GSE1: variants seen among roughly 807,000 people sequenced by gnomAD.
The protein encoded by GSE1 is Gse1 coiled-coil protein, also known as genetic suppressor element 1.
GSE1 carries 32 observed loss-of-function variants against 112.6 expected under a neutral mutation model. That is an observed-to-expected ratio of 0.28 (90% confidence interval 0.21 to 0.38). The LOEUF (loss-of-function observed/expected upper bound fraction) is 0.38. Among genes scored for constraint, GSE1 ranks in the 10% least tolerant of loss-of-function variants. The pLI is 1.00. For missense variants in GSE1, 2,348 were observed against 1,699.2 expected (o/e 1.38, Z -6.71); for synonymous variants, 1,115 against 735.6 (o/e 1.52, Z -8.35).
Position 85,203,647 on chromosome 16 carries a change from CT to C in GSE1, c.2283+31843del, listed in dbSNP as rs1481074680. ...CAGTGGGATTTCCTTTGTGCAGCTG[CT>C]TTATTGAGACATGACTCACAGAGCA... On this transcript the variant is annotated intron_variant, in intron 1 of 2. Transcript: ENST00000637419. 1.4e-4 allele frequency among the ~76,000 whole-genome samples: 21 copies of C among 152,336 alleles called. No homozygotes were observed. In the South Asian group the frequency reaches 4.3e-3, roughly 32 times the overall value.
intron 1 of GSE1, among the ~76,000 whole-genome samples, chr16:85,331,372 T>TAC (rs1399300927): frequency 1.8e-5 from 2 of 111,806 alleles, no homozygotes; most frequent in African/African-American, 6.0e-5. Flanking sequence ...TGTGTATATA[T>TAC]GTATATATAT....
chr16:85,468,883 G>A (rs753299858), intron 2 of GSE1, among the ~76,000 whole-genome samples: 2 of 152,222 alleles, frequency 1.3e-5, no homozygotes, highest in Non-Finnish European at 2.9e-5. Flanking sequence ...AGGAACCTCA[G>A]AATGTGAACT....
chr16:85,523,331 G>C (rs1394293945), intron 2 of GSE1, among the ~76,000 whole-genome samples: 1 of 152,184 alleles, frequency 6.6e-6, no homozygotes, highest in Non-Finnish European at 1.5e-5. Context: ...GTGTGTGCGT[G>C]CGTGCATGGG....
At chr16:85,533,530 T>G (rs991810792) in intron 2 of GSE1, among the ~76,000 whole-genome samples, 3 of 152,024 alleles carry the variant, frequency 2.0e-5, no homozygotes, top group Non-Finnish European at 2.9e-5. Context: ...TATGCATATG[T>G]TGGAAGATGG....
intron 2 of GSE1, among the ~76,000 whole-genome samples, chr16:85,515,615 G>T (rs765332836): frequency 1.3e-5 from 2 of 151,674 alleles, no homozygotes; most frequent in Non-Finnish European, 2.9e-5. Flanking sequence ...TTTCTGTGTG[G>T]GGGGAGATCG....
intron 2 of GSE1, among the ~76,000 whole-genome samples, chr16:85,404,527 C>A (rs1465521274): frequency 1.7e-5 from 1 of 59,212 alleles, no homozygotes; most frequent in Non-Finnish European, 3.4e-5. Flanking sequence ...TACTCTCAGG[C>A]CCCCCTGGAT....
upstream of GSE1, among the ~76,000 whole-genome samples, chr16:85,552,622 G>A (rs990957941): frequency 7.9e-5 from 12 of 152,288 alleles, no homozygotes; most frequent in African/African-American, 2.6e-4. Flanking sequence ...GTGAGCCACC[G>A]CGCTCAGTCT....
chr16:85,217,298 CCT>C (rs2143712626), intron 1 of GSE1, among the ~76,000 whole-genome samples: 1 of 152,330 alleles, frequency 6.6e-6, no homozygotes, highest in African/African-American at 2.4e-5. Flanking sequence ...ACGGGATGTG[CCT>C]CTCAGAATCA....
chr16:85,657,180 G>C (rs111367262), intron 7 of GSE1, 97 bp from the exon 8 acceptor site: 15,412 of 837,704 alleles, frequency 0.018, 307 homozygotes, highest in South Asian at 0.058. Context: ...CTTTGGAAGG[G>C]CTCTGGTTTC....
intron 1 of GSE1, among the ~76,000 whole-genome samples, chr16:85,241,167 G>A (rs954630227): frequency 9.9e-6 from 1 of 100,660 alleles, no homozygotes; most frequent in African/African-American, 3.1e-5. Context: ...CCTTGGGCTC[G>A]GCTGCGTGAC....
chr16:85,181,818 T>C (rs920870355), intron 1 of GSE1, among the ~76,000 whole-genome samples: 1 of 152,154 alleles, frequency 6.6e-6, no homozygotes, highest in Non-Finnish European at 1.5e-5. Context: ...AGGAGGCACC[T>C]GGATGGCAGC....
chr16:85,230,251 T>C (rs1343899246), intron 1 of GSE1, among the ~76,000 whole-genome samples: 4 of 152,240 alleles, frequency 2.6e-5, no homozygotes, highest in South Asian at 4.1e-4. Context: ...CCTCATTGTT[T>C]GTGTTTTAGA....
chr16:85,500,114 C>T (rs2051310814), intron 2 of GSE1, among the ~76,000 whole-genome samples: 3 of 152,186 alleles, frequency 2.0e-5, no homozygotes, highest in Admixed American at 1.3e-4. Flanking sequence ...ATATTAGGGC[C>T]CCCTCCATAT....
upstream of GSE1, among the ~76,000 whole-genome samples, chr16:85,609,734 G>A (rs1481242739): frequency 8.6e-5 from 13 of 151,850 alleles, no homozygotes; most frequent in African/African-American, 1.9e-4. Flanking sequence ...AGCTCACTGC[G>A]ACCTCTGCCT....
chr16:85,519,379 T>C lies in GSE1; in HGVS notation c.2465-114535T>C, dbSNP rs867549282. 9.2e-3 allele frequency among the ~76,000 whole-genome samples: 657 copies of C among 71,658 alleles called. 3 individuals are homozygous for C. Among genetic ancestry groups the C allele is most frequent in the African/African-American group, 0.037 (606 of 16,558 alleles). The allele number at this position is 71,658 out of a possible 152,430, so 47.0% of individuals were successfully genotyped here. ...TCATCACCATCACCGGTCTCCATCATCATCACCTTCACCACCATCATCACT... is the reference window on the plus strand; with the variant it reads ...TCATCACCATCACCGGTCTCCATCACCATCACCTTCACCACCATCATCACT... On this transcript the variant is annotated intron_variant, in intron 2 of 2. Transcript: ENST00000637419.
intron 1 of GSE1, among the ~76,000 whole-genome samples, chr16:85,248,918 A>C (rs1405702094): frequency 6.6e-6 from 1 of 152,176 alleles, no homozygotes; most frequent in Non-Finnish European, 1.5e-5. Context: ...TTAGTGCTCA[A>C]CTGGCAGGTG....
rs1567636430 is a variant in GSE1 at position 85,246,498 on chromosome 16, A to ACCCCCCCCCCCC, written c.2283+74692_2283+74693insCCCCCCCCCCCC. ...ACACACACACACACACACACTCTAC[A>ACCCCCCCCCCCC]CACCCCCCCCCCCCCGACGCTGTCT... On this transcript the variant is annotated intron_variant, in intron 1 of 2. Coordinates refer to the GSE1 transcript ENST00000637419. Among the ~76,000 whole-genome samples the ACCCCCCCCCCCC allele has an allele frequency of 1.4e-3, 45 of 31,532 alleles. 3 individuals carry two copies. Among genetic ancestry groups the ACCCCCCCCCCCC allele is most frequent in the African/African-American group, 2.1e-3 (19 of 9,252 alleles). The allele number at this position is 31,532 out of a possible 152,430, so 20.7% of individuals were successfully genotyped here.
chr16:85,263,995 G>A (rs1907977581), intron 1 of GSE1, among the ~76,000 whole-genome samples: 2 of 152,166 alleles, frequency 1.3e-5, no homozygotes, highest in South Asian at 2.1e-4. Flanking sequence ...CCTGGGGCCG[G>A]GGAGGGCTTC....
intron 1 of GSE1, among the ~76,000 whole-genome samples, chr16:85,334,779 C>T (rs1030996386): frequency 3.3e-5 from 5 of 152,190 alleles, no homozygotes; most frequent in African/African-American, 9.7e-5. Context: ...TATTCACTGC[C>T]GGTTATTCTG....
Sources: gnomAD v4.1 joint callset for allele counts (sites outside exome capture counted in the v4.1 genomes callset) on GRCh38, gnomAD v4.1.1 for gene constraint, MANE v1.5 for transcripts, NCBI Gene and HGNC (gene_info 2026-07-23, HGNC 2026-07-21) for gene names.